Variants in RANBP17 observed in about 807,000 individuals in gnomAD.
RANBP17 encodes the protein ran-binding protein 17.
In RANBP17, 158 loss-of-function variants were observed where a neutral mutation model predicts 141.2. That is an observed-to-expected ratio of 1.12 (90% confidence interval 0.98 to 1.28). RANBP17 has a LOEUF of 1.28. RANBP17 is among the 50% of genes most tolerant of loss of function. The pLI, the probability that RANBP17 is intolerant of heterozygous loss-of-function variation, is 0.00. For missense variants in RANBP17, 1,438 were observed against 1,290.7 expected (o/e 1.11, Z -1.75); for synonymous variants, 430 against 450.0 (o/e 0.96, Z 0.56).
chr5:170,918,690 T>G (rs543239769), intron 9 of RANBP17, 23 bp from the exon 10 acceptor site: 1 of 1,577,564 alleles, frequency 6.3e-7, no homozygotes, highest in Non-Finnish European at 8.6e-7. Flanking sequence ...TTTTTAAGCC[T>G]TTCTTTTTGT....
At chr5:171,198,612 C>A (rs911936978) in intron 18 of RANBP17, among the ~76,000 whole-genome samples, 1 of 152,150 alleles carries the variant, frequency 6.6e-6, no homozygotes, top group Non-Finnish European at 1.5e-5. Context: ...GTTTCTGATT[C>A]AATAGATATG....
At chr5:171,043,409 G>C (rs115332412) in intron 14 of RANBP17, among the ~76,000 whole-genome samples, 2 of 152,212 alleles carry the variant, frequency 1.3e-5, no homozygotes, top group East Asian at 1.9e-4. Context: ...TACTCTCTCT[G>C]TGGTGCCCTT....
intron 1 of RANBP17, among the ~76,000 whole-genome samples, chr5:170,870,445 C>G (rs546626538): frequency 2.6e-5 from 4 of 152,042 alleles, no homozygotes; most frequent in African/African-American, 4.8e-5. Context: ...GTTTGGCTTC[C>G]ACTTATGGGT....
chr5:171,155,091 AAAAATAT>A (rs1393629288), intron 14 of RANBP17, among the ~76,000 whole-genome samples: 1 of 110,822 alleles, frequency 9.0e-6, no homozygotes, highest in African/African-American at 3.5e-5. Flanking sequence ...AAAAAAAAAA[AAAAATAT>A]ATATATATAT....
intron 14 of RANBP17, among the ~76,000 whole-genome samples, chr5:171,132,859 T>C: frequency 6.6e-6 from 1 of 152,190 alleles, no homozygotes; most frequent in African/African-American, 2.4e-5. Flanking sequence ...ACTAAACTGT[T>C]AAATAATTCT....
chr5:171,186,526 CTTTTTT>C (rs757585137), intron 18 of RANBP17, among the ~76,000 whole-genome samples: 17 of 41,664 alleles, frequency 4.1e-4, no homozygotes, highest in African/African-American at 6.2e-4. Context: ...GTATGATTTT[CTTTTTT>C]TTTTTTTTTT....
chr5:171,205,951 A>G (rs905752716), intron 20 of RANBP17: 1 of 386,768 alleles, frequency 2.6e-6, no homozygotes, highest in Non-Finnish European at 5.0e-6. Context: ...TTGAGGGGAG[A>G]TTTGAATCTC....
At chr5:171,103,214 C>G (rs553798178) in intron 14 of RANBP17, among the ~76,000 whole-genome samples, 1 of 152,206 alleles carries the variant, frequency 6.6e-6, no homozygotes, top group African/African-American at 2.4e-5. Flanking sequence ...ACCCCTTCCC[C>G]CAGGTGCTCT....
intron 23 of RANBP17, among the ~76,000 whole-genome samples, chr5:171,242,422 C>G (rs142593784): frequency 2.2e-3 from 337 of 152,254 alleles, no homozygotes; most frequent in Admixed American, 4.6e-3. Context: ...AAAAATAATT[C>G]ACACAGTCTT....
intron 14 of RANBP17, among the ~76,000 whole-genome samples, chr5:171,001,650 G>C (rs1779207331): frequency 6.6e-6 from 1 of 152,086 alleles, no homozygotes; most frequent in African/African-American, 2.4e-5. Flanking sequence ...GGCTGAGCTT[G>C]GTGAGGTGTG....
chr5:171,264,703 G>A (rs1180493995), intron 24 of RANBP17, among the ~76,000 whole-genome samples: 1 of 152,054 alleles, frequency 6.6e-6, no homozygotes, highest in Non-Finnish European at 1.5e-5. Flanking sequence ...ACTCTGCAAG[G>A]TCTTTTATAA....
chr5:170,881,970 C>T, intron 3 of RANBP17, 74 bp downstream of exon 3: 2 of 899,454 alleles, frequency 2.2e-6, no homozygotes, highest in Non-Finnish European at 3.3e-6. Context: ...TAAACTGTTA[C>T]TAGGATTGCA....
intron 10 of RANBP17, among the ~76,000 whole-genome samples, chr5:170,919,146 TA>T (rs1198383876): frequency 6.6e-6 from 1 of 151,938 alleles, no homozygotes. Context: ...AAAATAATTT[TA>T]AGGGAGAGAT....
At position 170,903,921 on chromosome 5, in the gene RANBP17, C is replaced by T. The variant is rs186742514; in HGVS notation, c.490-5740C>T. On this transcript the variant is annotated intron_variant, in intron 5 of 27. Coordinates refer to ENST00000523189, the MANE Select transcript of RANBP17 (RefSeq NM_022897.5). ...CAGCATGAATTTAGTTCCTTTTCCT[C>T]AGCTTCATTATCTTGTATCAAGCCT... 3.6e-5 allele frequency: 19 copies of T among 523,692 alleles called. No individual in the cohort carries two copies. The Admixed American group carries it at 3.8e-4, about 10-fold the overall frequency. 32.4% of individuals were successfully genotyped at this position (523,692 alleles called of 1,614,324 possible).
chr5:171,087,645 C>T (rs1239021392), intron 14 of RANBP17, among the ~76,000 whole-genome samples: 2 of 151,812 alleles, frequency 1.3e-5, no homozygotes. Flanking sequence ...AATCTGGGTG[C>T]TCCCGTATTG....
At chr5:171,067,034 A>G (rs908881085) in intron 14 of RANBP17, among the ~76,000 whole-genome samples, 4 of 152,210 alleles carry the variant, frequency 2.6e-5, no homozygotes, top group African/African-American at 4.8e-5. Context: ...ATTATCAATA[A>G]TGAACCACTT....
intron 22 of RANBP17, among the ~76,000 whole-genome samples, chr5:171,223,924 T>A (rs2127983754): frequency 6.6e-6 from 1 of 152,340 alleles, no homozygotes; most frequent in South Asian, 2.1e-4. Context: ...ATATACCTCT[T>A]TGTGGCTAGT....
intron 14 of RANBP17, among the ~76,000 whole-genome samples, chr5:171,020,034 G>C (rs1364548295): frequency 1.3e-5 from 2 of 152,082 alleles, no homozygotes; most frequent in African/African-American, 4.8e-5. Flanking sequence ...GTTTACTGAG[G>C]AGTTATTCAG....
At chr5:170,919,396 G>A in intron 10 of RANBP17, 45 bp from the exon 11 acceptor site, 1 of 1,251,744 alleles carries the variant, frequency 8.0e-7, no homozygotes, top group South Asian at 1.7e-5. Context: ...TCTTATTGTA[G>A]GAAGATGTAA....
Sources: allele counts gnomAD v4.1 joint callset (sites outside exome capture counted in the v4.1 genomes callset), GRCh38; gene constraint gnomAD v4.1.1; transcripts MANE v1.5; gene names NCBI Gene and HGNC (gene_info 2026-07-23, HGNC 2026-07-21).